The following ITPR2 variants were observed in gnomAD, a reference collection of about 807,000 sequenced individuals.
The protein encoded by ITPR2 is inositol 1,4,5-trisphosphate-gated calcium channel ITPR2.
Under a neutral mutation model 317.1 loss-of-function variants are expected in ITPR2, and 207 were observed. That is an observed-to-expected ratio of 0.65 (90% CI 0.58 to 0.73). ITPR2 has a LOEUF of 0.73. Ranked by LOEUF, ITPR2 falls within the 30% of genes least tolerant of loss-of-function variation. The probability of loss-of-function intolerance (pLI) is 0.00; values close to 1 mark genes in which losing one functional copy is unlikely to be tolerated. For missense variants in ITPR2, 2,613 were observed against 3,284.0 expected (o/e 0.80, Z 4.99); for synonymous variants, 1,156 against 1,149.1 (o/e 1.01, Z -0.12).
intron 2 of ITPR2, among the ~76,000 whole-genome samples, chr12:26,737,772 A>G (rs1484625658): frequency 1.3e-5 from 2 of 152,192 alleles, no homozygotes; most frequent in East Asian, 3.8e-4. Context: ...TGCTACATCA[A>G]AATGCTCAAA....
intron 1 of ITPR2, among the ~76,000 whole-genome samples, chr12:26,825,574 T>A (rs1950997516): frequency 6.6e-6 from 1 of 152,158 alleles, no homozygotes; most frequent in Non-Finnish European, 1.5e-5. Flanking sequence ...ATGGCTCTGT[T>A]CCACCTAGAA....
chr12:26,619,772 T>C (rs193042072), intron 26 of ITPR2, among the ~76,000 whole-genome samples: 33 of 152,322 alleles, frequency 2.2e-4, no homozygotes, highest in South Asian at 4.1e-4. Flanking sequence ...TTTTATTGTA[T>C]ATATTTTCAT....
At chr12:26,654,249 T>A (rs1947326224) in intron 20 of ITPR2, 123 bp from the exon 21 acceptor site, 1 of 712,330 alleles carries the variant, frequency 1.4e-6, no homozygotes, top group Non-Finnish European at 2.2e-6. Context: ...AACTTCCTAA[T>A]TCTTTAACAC....
At chr12:26,451,408 C>CACACACAT (rs1491354558) in intron 45 of ITPR2, among the ~76,000 whole-genome samples, 1 of 143,676 alleles carries the variant, frequency 7.0e-6, no homozygotes, top group African/African-American at 2.5e-5. Context: ...CACACACACA[C>CACACACAT]GGAAAGTAAG....
intron 34 of ITPR2, among the ~76,000 whole-genome samples, chr12:26,569,886 C>T (rs1384799975): frequency 1.3e-5 from 2 of 152,110 alleles, no homozygotes; most frequent in Admixed American, 6.5e-5. Flanking sequence ...GGGCAGCATC[C>T]GTCAGAAGTG....
At chr12:26,523,216 A>T (rs915237596) in intron 37 of ITPR2, among the ~76,000 whole-genome samples, 3 of 152,164 alleles carry the variant, frequency 2.0e-5, no homozygotes, top group Admixed American at 6.5e-5. Context: ...TTTATCCCAC[A>T]TCTCTTTTCG....
At chr12:26,669,202 ATAT>A (rs1947693750) in intron 13 of ITPR2, among the ~76,000 whole-genome samples, 1 of 151,856 alleles carries the variant, frequency 6.6e-6, no homozygotes, top group Non-Finnish European at 1.5e-5. Flanking sequence ...CATTCTAAAA[ATAT>A]TATTAATCTA....
chr12:26,809,273 G>T (rs1950691212), intron 1 of ITPR2, among the ~76,000 whole-genome samples: 1 of 152,186 alleles, frequency 6.6e-6, no homozygotes, highest in Non-Finnish European at 1.5e-5. Flanking sequence ...CGTCCCCTAA[G>T]AATGTGACTC....
chr12:26,830,875 T>A (rs1295567255), intron 1 of ITPR2, among the ~76,000 whole-genome samples: 1 of 152,198 alleles, frequency 6.6e-6, no homozygotes, highest in African/African-American at 2.4e-5. Flanking sequence ...TCACTTTACA[T>A]ATATTAATCT....
chr12:26,771,158 C>G (rs761346027), intron 2 of ITPR2, among the ~76,000 whole-genome samples: 1 of 152,066 alleles, frequency 6.6e-6, no homozygotes, highest in Non-Finnish European at 1.5e-5. Flanking sequence ...CTTATAGTGC[C>G]CAGACGTTAT....
intron 55 of ITPR2, among the ~76,000 whole-genome samples, chr12:26,383,934 AC>A (rs1425019284): frequency 7.2e-5 from 11 of 152,196 alleles, no homozygotes; most frequent in Non-Finnish European, 7.3e-5. Context: ...AGGACTTTTC[AC>A]ATTTTCCTTT....
intron 52 of ITPR2, among the ~76,000 whole-genome samples, chr12:26,403,850 G>A (rs1366900830): frequency 6.6e-6 from 1 of 152,138 alleles, no homozygotes; most frequent in Non-Finnish European, 1.5e-5. Flanking sequence ...ATGCTTGTAC[G>A]ATGAACAGCA....
chr12:26,365,421 G>A (rs564255061), intron 55 of ITPR2, among the ~76,000 whole-genome samples: 11 of 151,890 alleles, frequency 7.2e-5, no homozygotes, highest in South Asian at 6.2e-4. Flanking sequence ...TCTCCTTGGC[G>A]TACTGTATCC....
rs142007135 is a variant in ITPR2, at chr12:26,365,484, T to C, written c.7857+21950A>G. On this transcript the variant is annotated intron_variant, in intron 55 of 56. Coordinates refer to ENST00000381340, the MANE Select transcript of ITPR2 (RefSeq NM_002223.4). ...GTAATAGATCAGAATTTTCATTAAG[T>C]ACACATGACACCCTAGAAATGTTAA... Among the ~76,000 whole-genome samples the C allele has an allele frequency of 1.2e-3, 189 of 152,298 alleles. 3 individuals are homozygous for C. In the East Asian group the frequency reaches 0.03, roughly 24 times the overall value.
chr12:26,659,790 TCATGAGA>T (rs544156157), intron 15 of ITPR2, among the ~76,000 whole-genome samples: 38 of 152,394 alleles, frequency 2.5e-4, no homozygotes, highest in Admixed American at 1.6e-3. Flanking sequence ...GATATTTCAT[TCATGAGA>T]CATGAGATCT....
intron 2 of ITPR2, among the ~76,000 whole-genome samples, chr12:26,738,171 A>G (rs1178105701): frequency 6.6e-6 from 1 of 152,218 alleles, no homozygotes; most frequent in Non-Finnish European, 1.5e-5. Context: ...ACAGATCATG[A>G]AACTGGAAAT....
At chr12:26,529,557 A>G (rs1459322365) in intron 37 of ITPR2, among the ~76,000 whole-genome samples, 1 of 152,198 alleles carries the variant, frequency 6.6e-6, no homozygotes, top group African/African-American at 2.4e-5. Flanking sequence ...TTTTATCCTG[A>G]GACAGGTAGC....
At chr12:26,774,408 G>A (rs368304458) in intron 2 of ITPR2, among the ~76,000 whole-genome samples, 4 of 152,282 alleles carry the variant, frequency 2.6e-5, no homozygotes, top group African/African-American at 9.6e-5. Flanking sequence ...GAAGGCTGAG[G>A]TAAGAGGATC....
intron 2 of ITPR2, among the ~76,000 whole-genome samples, chr12:26,770,973 C>A (rs577279072): frequency 1.7e-4 from 26 of 152,268 alleles, no homozygotes; most frequent in African/African-American, 6.3e-4. Context: ...CGGCTTATGG[C>A]AGCAAAAGTC....
Sources: allele counts gnomAD v4.1 joint callset (sites outside exome capture counted in the v4.1 genomes callset), GRCh38; gene constraint gnomAD v4.1.1; transcripts MANE v1.5; gene names NCBI Gene and HGNC (gene_info 2026-07-23, HGNC 2026-07-21).